SEL1L2: variants seen among roughly 807,000 people sequenced by gnomAD.
The protein encoded by SEL1L2 is protein sel-1 homolog 2.
SEL1L2 carries 89 observed loss-of-function variants against 98.8 expected under a neutral mutation model. The observed-to-expected ratio is 0.90, with a 90% CI of 0.76 to 1.07. The LOEUF is 1.07. SEL1L2 is among the 50% of genes least tolerant of loss of function. The pLI, the probability that SEL1L2 is intolerant of heterozygous loss-of-function variation, is 0.00. For missense variants in SEL1L2, 788 were observed against 812.0 expected, an observed-to-expected ratio of 0.97 and a Z score of 0.36; for synonymous variants, 262 against 278.5, an observed-to-expected ratio of 0.94 and a Z score of 0.59.
At chr20:13,933,937 G>C (rs534879016) in intron 2 of SEL1L2, among the ~76,000 whole-genome samples, 1 of 146,048 alleles carries the variant, frequency 6.8e-6, no homozygotes, top group South Asian at 2.2e-4. Flanking sequence ...TGTTTAGTAA[G>C]TACATAATAG....
upstream of SEL1L2, among the ~76,000 whole-genome samples, chr20:13,990,802 A>T (rs1191760999): frequency 6.6e-6 from 1 of 152,188 alleles, no homozygotes; most frequent in Non-Finnish European, 1.5e-5. Context: ...GCTCTCTAAC[A>T]TGAAAGGAAG....
At chr20:13,886,189 T>G in intron 9 of SEL1L2, 99 bp downstream of exon 9, 2 of 784,888 alleles carry the variant, frequency 2.5e-6, no homozygotes, top group Non-Finnish European at 3.9e-6. Context: ...CCCATTCCTA[T>G]TTAGGATGGG....
At chr20:13,897,846 C>T (rs1272073791) in intron 5 of SEL1L2, among the ~76,000 whole-genome samples, 1 of 151,706 alleles carries the variant, frequency 6.6e-6, no homozygotes, top group Admixed American at 6.6e-5. Flanking sequence ...GCCTGGGCAA[C>T]AAGAGCGAAA....
intron 5 of SEL1L2, among the ~76,000 whole-genome samples, chr20:13,899,085 G>T (rs1419367529): frequency 1.3e-5 from 2 of 152,116 alleles, no homozygotes; most frequent in Non-Finnish European, 2.9e-5. Flanking sequence ...TTAAAAAGAT[G>T]CCATGTGACA....
rs149963804 is a variant in SEL1L2, at chr20:13,983,291, A to C, written c.58+7186T>G. 6.7e-4 allele frequency among the ~76,000 whole-genome samples: 102 copies of C among 152,020 alleles called. 1 individual carries two copies. The highest frequency in any genetic ancestry group is 2.3e-3 in the African/African-American group (94 of 41,496). On this transcript the variant is annotated intron_variant, in intron 1 of 19. Transcript: ENST00000284951. ...TTGAATAGTTATGTCCCCCTCAATA[A>C]TTTTATATAGGCAAAATCAAAATAC...
Position 13,869,515 on chromosome 20 carries a change from A to C in SEL1L2, c.1243T>G (p.Phe415Val). ...TTGTGGCACTTACAGTAGTACATGAAGCCTAACTGGAACTGTGCGTCGGGC... is the reference window on the plus strand; with the variant it reads ...TTGTGGCACTTACAGTAGTACATGACGCCTAACTGGAACTGTGCGTCGGGC... The part of the protein sequence containing the change: ...GWPDAQFQLG[F>V]MYYSGSGIWK... Residue 415 changes from phenylalanine (F) to valine (V), a missense_variant, in exon 14 of 20, where the codon TTC becomes GTC. By Grantham distance (50) the Phe-to-Val change is conservative. Coordinates refer to ENST00000284951, the MANE Select transcript of SEL1L2 (RefSeq NM_025229.2). 6.2e-7 allele frequency: 1 copy of C among 1,613,614 alleles called. No individual in the cohort carries two copies. Among genetic ancestry groups the C allele is most frequent in the Non-Finnish European group, 8.5e-7 (1 of 1,179,498 alleles).
At chr20:13,864,377 A>T (rs1468888631) in intron 17 of SEL1L2, among the ~76,000 whole-genome samples, 1 of 152,198 alleles carries the variant, frequency 6.6e-6, no homozygotes. Context: ...GCATAAGACA[A>T]TTTTAAGAAA....
chr20:13,875,694 T>C lies in SEL1L2; in HGVS notation c.1104+344A>G, dbSNP rs573524927. On this transcript the variant is annotated intron_variant, in intron 12 of 19. Coordinates refer to ENST00000284951, the MANE Select transcript of SEL1L2 (RefSeq NM_025229.2). Reference sequence around the variant, plus strand: ...CTGCAGCTATTGATTGGATTTTCCCTTCCTCTGTCCTCATCTCTTTTGTTT... The same window carrying C: ...CTGCAGCTATTGATTGGATTTTCCCCTCCTCTGTCCTCATCTCTTTTGTTT... Among the ~76,000 whole-genome samples the C allele has an allele frequency of 2.2e-3, 330 of 152,306 alleles. 3 individuals carry two copies. Among genetic ancestry groups the C allele is most frequent in the African/African-American group, 7.8e-3 (323 of 41,572 alleles).
At chr20:13,867,666 A>G (rs934988318) in intron 14 of SEL1L2, among the ~76,000 whole-genome samples, 1 of 151,692 alleles carries the variant, frequency 6.6e-6, no homozygotes. Flanking sequence ...TACCCGGTAG[A>G]TGTTGAGAGG....
chr20:13,876,100 T>G lies in SEL1L2; in HGVS notation c.1042A>C (p.Asn348His). The change falls in exon 12 of 20, where the codon AAT becomes CAT. Residue 348 changes from asparagine (N) to histidine (H), a missense_variant. By Grantham distance (68) the Asn-to-His change is moderately conservative. Coordinates refer to ENST00000284951, the MANE Select transcript of SEL1L2 (RefSeq NM_025229.2). ...GCGTTATTTTGCGGCACGGCAGCAT[T>G]CCCCTCTAAATACATCTAGGAAGAA... ...AFIGKMYLEGNAAVPQNNATA... is the reference protein window; with the variant it reads ...AFIGKMYLEGHAAVPQNNATA... The G allele has an allele frequency of 6.2e-7, 1 of 1,613,374 alleles. No homozygotes were observed. The highest frequency in any genetic ancestry group is 8.5e-7 in the Non-Finnish European group (1 of 1,179,350).
At chr20:13,931,009 G>A (rs905261692) in intron 3 of SEL1L2, among the ~76,000 whole-genome samples, 1 of 151,412 alleles carries the variant, frequency 6.6e-6, no homozygotes, top group Non-Finnish European at 1.5e-5. Flanking sequence ...GCACACACCT[G>A]TAGTCCCAGC....
intron 2 of SEL1L2, among the ~76,000 whole-genome samples, chr20:13,951,530 T>C (rs6110096): frequency 3.9e-5 from 2 of 50,640 alleles, no homozygotes; most frequent in Non-Finnish European, 4.3e-5. Flanking sequence ...ATCCGGGAGG[T>C]GGAGGTTGCA....
At chr20:13,958,385 G>C (rs1047955403) in intron 1 of SEL1L2, among the ~76,000 whole-genome samples, 1 of 152,080 alleles carries the variant, frequency 6.6e-6, no homozygotes, top group Non-Finnish European at 1.5e-5. Flanking sequence ...ATTGGAATAC[G>C]CTACTTAAAT....
At chr20:13,909,220 A>T (rs933017137) in intron 5 of SEL1L2, among the ~76,000 whole-genome samples, 2 of 152,170 alleles carry the variant, frequency 1.3e-5, no homozygotes, top group Non-Finnish European at 2.9e-5. Flanking sequence ...GGATTTCTGT[A>T]CCAAGCTGGC....
intron 12 of SEL1L2, among the ~76,000 whole-genome samples, chr20:13,872,378 C>T (rs2046242554): frequency 6.6e-6 from 1 of 152,194 alleles, no homozygotes; most frequent in African/African-American, 2.4e-5. Flanking sequence ...AGTGAGTTCT[C>T]ATGCGATCTG....
chr20:13,981,596 A>G (rs1290599512), intron 1 of SEL1L2, among the ~76,000 whole-genome samples: 1 of 152,234 alleles, frequency 6.6e-6, no homozygotes, highest in Non-Finnish European at 1.5e-5. Flanking sequence ...AAAAAAATAC[A>G]AAATCAGAAA....
chr20:13,962,992 T>C (rs2050847980), intron 1 of SEL1L2, among the ~76,000 whole-genome samples: 1 of 149,854 alleles, frequency 6.7e-6, no homozygotes, highest in Non-Finnish European at 1.5e-5. Flanking sequence ...GCTTGAACCC[T>C]GGAGGCAGAG....
intron 5 of SEL1L2, among the ~76,000 whole-genome samples, chr20:13,908,725 C>G (rs1178588908): frequency 6.6e-6 from 1 of 152,136 alleles, no homozygotes; most frequent in Non-Finnish European, 1.5e-5. Context: ...TTGAAAGGTA[C>G]AGAATCTCTG....
intron 2 of SEL1L2, among the ~76,000 whole-genome samples, chr20:13,940,139 A>T (rs944350329): frequency 6.6e-6 from 1 of 152,234 alleles, no homozygotes; most frequent in South Asian, 2.1e-4. Context: ...GTAAACAAAT[A>T]AATGAACAAG....
Sources: gnomAD v4.1 joint callset for allele counts (sites outside exome capture counted in the v4.1 genomes callset) on GRCh38, gnomAD v4.1.1 for gene constraint, MANE v1.5 for transcripts, NCBI Gene and HGNC (gene_info 2026-07-23, HGNC 2026-07-21) for gene names.